DLG2: variants seen among roughly 807,000 people sequenced by gnomAD.
DLG2 encodes the protein disks large homolog 2.
A neutral mutation model predicts 132.5 loss-of-function variants in DLG2; 45 were observed. That is an observed-to-expected ratio of 0.34 (90% CI 0.27 to 0.44). The LOEUF is 0.44. DLG2 is among the 20% of genes least tolerant of loss of function. The pLI is 1.00. For synonymous variants in DLG2, 424 were observed against 419.6 expected, an observed-to-expected ratio of 1.01 and a Z score of -0.13; for missense variants, 1,045 against 1,196.9, an observed-to-expected ratio of 0.87 and a Z score of 1.87.
chr11:83,579,970 A>AAAAT (rs1041738048), intron 19 of DLG2, among the ~76,000 whole-genome samples: 171 of 151,966 alleles, frequency 1.1e-3, no homozygotes, highest in Non-Finnish European at 1.6e-3. Context: ...ACTCTATCTC[A>AAAAT]AAATAAATAA....
intron 6 of DLG2, among the ~76,000 whole-genome samples, chr11:84,661,853 C>T (rs1483209025): frequency 2.0e-5 from 3 of 152,038 alleles, no homozygotes; most frequent in Admixed American, 2.0e-4. Context: ...TATATATTGA[C>T]CACGTAATGC....
intron 7 of DLG2, among the ~76,000 whole-genome samples, chr11:84,290,260 C>G (rs1008752684): frequency 2.6e-4 from 39 of 152,204 alleles, no homozygotes; most frequent in African/African-American, 9.2e-4. Context: ...CACATAGGCG[C>G]CTTTTAGATT....
intron 4 of DLG2, among the ~76,000 whole-genome samples, chr11:85,242,730 T>A (rs1239718624): frequency 6.6e-6 from 1 of 151,916 alleles, no homozygotes; most frequent in Non-Finnish European, 1.5e-5. Flanking sequence ...CTTATAATTC[T>A]AATATCTTAC....
At chr11:84,776,186 G>C (rs2070453721) in intron 6 of DLG2, among the ~76,000 whole-genome samples, 1 of 151,980 alleles carries the variant, frequency 6.6e-6, no homozygotes, top group African/African-American at 2.4e-5. Context: ...GCAAGTTATT[G>C]GTCTGTTTCC....
At chr11:83,901,686 T>C (rs2073477047) in intron 15 of DLG2, among the ~76,000 whole-genome samples, 2 of 152,212 alleles carry the variant, frequency 1.3e-5, no homozygotes. Flanking sequence ...TTTTCACCAG[T>C]GTGAAAATGA....
chr11:84,420,536 T>A (rs1402956468), intron 7 of DLG2, among the ~76,000 whole-genome samples: 1 of 151,846 alleles, frequency 6.6e-6, no homozygotes, highest in Non-Finnish European at 1.5e-5. Context: ...CAAGCAAAAT[T>A]TCAGGAGGAA....
intron 21 of DLG2, among the ~76,000 whole-genome samples, chr11:83,531,705 A>C (rs192186599): frequency 1.7e-4 from 26 of 149,870 alleles, no homozygotes; most frequent in Admixed American, 4.7e-4. Flanking sequence ...AAATGCTCAC[A>C]GCAGCATTAT....
rs12270129 is a variant in DLG2, at chr11:84,642,008, A to T, written c.358-107277T>A. 4.3e-3 allele frequency among the ~76,000 whole-genome samples: 587 copies of T among 137,618 alleles called. 6 individuals are homozygous for T. Among genetic ancestry groups the T allele is most frequent in the African/African-American group, 0.016 (537 of 34,284 alleles). 90.3% of individuals were successfully genotyped at this position (137,618 alleles called of 152,430 possible). ...GTGTATGTGTGTGTGGATATGTTTT[A>T]TATATATATATACACACACACACAC... On this transcript the variant is annotated intron_variant, in intron 6 of 27. Transcript: ENST00000376104.
At chr11:85,361,777 G>A (rs1291305125) in intron 3 of DLG2, among the ~76,000 whole-genome samples, 1 of 152,108 alleles carries the variant, frequency 6.6e-6, no homozygotes, top group Non-Finnish European at 1.5e-5. Context: ...ATTTCTTTGT[G>A]TATTTGGGCT....
rs930897903 is a variant in DLG2 at position 84,823,581 on chromosome 11, C to A, written c.357+288080G>T. On this transcript the variant is annotated intron_variant, in intron 6 of 27. Coordinates refer to ENST00000376104, the MANE Select transcript of DLG2 (RefSeq NM_001142699.3). Reference sequence around the variant, plus strand: ...CTGTTAGAATGGGATGGTTGTATATCCACACACACACACACACACACACAC... The same window carrying A: ...CTGTTAGAATGGGATGGTTGTATATACACACACACACACACACACACACAC... Among the ~76,000 whole-genome samples, 34 of 134,494 alleles carry A rather than the reference C, an allele frequency of 2.5e-4. 1 individual carries two copies. The highest frequency in any genetic ancestry group is 7.8e-3 in the Middle Eastern group (2 of 258). The allele number at this position is 134,494 out of a possible 152,430, so 88.2% of individuals were successfully genotyped here. A position where few individuals can be genotyped will look rare whatever the true frequency, so the allele number is the denominator to read the frequency against.
chr11:84,674,292 A>G (rs1328223527), intron 6 of DLG2, among the ~76,000 whole-genome samples: 1 of 152,134 alleles, frequency 6.6e-6, no homozygotes, highest in Non-Finnish European at 1.5e-5. Context: ...TACTTGATTA[A>G]AAATCTCAAA....
chr11:84,341,364 A>C (rs2098513810), intron 7 of DLG2, among the ~76,000 whole-genome samples: 1 of 152,212 alleles, frequency 6.6e-6, no homozygotes, highest in Admixed American at 6.5e-5. Context: ...AAAAGAAAAA[A>C]ATGGTGGAAA....
intron 6 of DLG2, among the ~76,000 whole-genome samples, chr11:84,731,507 A>G (rs2063150146): frequency 6.6e-6 from 1 of 151,986 alleles, no homozygotes; most frequent in African/African-American, 2.4e-5. Flanking sequence ...GATAAGAAAA[A>G]TAAGTGGGAA....
At chr11:85,270,063 G>A (rs934019296) in intron 4 of DLG2, among the ~76,000 whole-genome samples, 3 of 152,160 alleles carry the variant, frequency 2.0e-5, no homozygotes, top group African/African-American at 7.2e-5. Flanking sequence ...CAGAGAAACA[G>A]AACCAGTAGA....
At chr11:85,029,865 C>A (rs1374323265) in intron 6 of DLG2, among the ~76,000 whole-genome samples, 1 of 152,084 alleles carries the variant, frequency 6.6e-6, no homozygotes, top group Non-Finnish European at 1.5e-5. Context: ...GCCCCTATGA[C>A]TGGCTTGTGT....
chr11:84,513,495 A>T (rs1327511743), intron 7 of DLG2, among the ~76,000 whole-genome samples: 1 of 152,096 alleles, frequency 6.6e-6, no homozygotes, highest in Admixed American at 6.6e-5. Flanking sequence ...AGAGAAATAG[A>T]CCAATGGAAC....
intron 6 of DLG2, among the ~76,000 whole-genome samples, chr11:84,621,967 A>G (rs1375211330): frequency 2.0e-5 from 3 of 152,228 alleles, no homozygotes; most frequent in Non-Finnish European, 2.9e-5. Context: ...TTGAAATTGT[A>G]CATTAGTAGT....
chr11:84,854,498 G>A (rs1447446890), intron 6 of DLG2, among the ~76,000 whole-genome samples: 1 of 151,896 alleles, frequency 6.6e-6, no homozygotes, highest in Non-Finnish European at 1.5e-5. Context: ...TCACTGTTCA[G>A]CATTAAGTTT....
chr11:83,644,055 T>C (rs2153491740), intron 18 of DLG2, among the ~76,000 whole-genome samples: 1 of 152,264 alleles, frequency 6.6e-6, no homozygotes, highest in East Asian at 1.9e-4. Context: ...AAGGCTTTGT[T>C]TGAGTTCCCC....
Sources: gnomAD v4.1 joint callset for allele counts (sites outside exome capture counted in the v4.1 genomes callset) on GRCh38, gnomAD v4.1.1 for gene constraint, MANE v1.5 for transcripts, NCBI Gene and HGNC (gene_info 2026-07-23, HGNC 2026-07-21) for gene names.